The following PCDHGB1 variants were observed in gnomAD, a reference collection of about 807,000 sequenced individuals.
The protein encoded by PCDHGB1 is protocadherin gamma subfamily B, 1.
Under a neutral mutation model 56.6 loss-of-function variants are expected in PCDHGB1, and 34 were observed. The observed-to-expected ratio is 0.60, with a 90% CI of 0.46 to 0.80. PCDHGB1 has a LOEUF of 0.80. PCDHGB1 is among the 30% of genes least tolerant of loss of function. PCDHGB1 has a pLI of 0.00. For missense variants in PCDHGB1, 1,278 were observed against 1,204.6 expected, an observed-to-expected ratio of 1.06 and a Z score of -0.90; for synonymous variants, 561 against 505.9, an observed-to-expected ratio of 1.11 and a Z score of -1.46.
At position 141,351,295 on chromosome 5, in the gene PCDHGB1, C is replaced by A; in HGVS notation, c.1035C>A (p.Phe345Leu). 1.9e-6 allele frequency: 3 copies of A among 1,613,808 alleles called. No homozygotes were observed. Among genetic ancestry groups the A allele is most frequent in the South Asian group, 1.1e-5 (1 of 91,070 alleles). Residue 345 changes from phenylalanine (F) to leucine (L), a missense_variant, in exon 1 of 4, where the codon TTC becomes TTA. Coordinates refer to ENST00000523390, the MANE Select transcript of PCDHGB1 (RefSeq NM_018922.3). ...ATGACAATGCCCCAGAGGTGACATT[C>A]ATGTCCTTCTCTAACCAGATTCCAG... ...DENDNAPEVT[F>L]MSFSNQIPED...
At chr5:141,480,295 G>A (rs1190133739) in intron 1 of PCDHGB1, among the ~76,000 whole-genome samples, 2 of 133,330 alleles carry the variant, frequency 1.5e-5, no homozygotes, top group Admixed American at 7.4e-5. Context: ...TGCACCTGTG[G>A]TACCAGCTAC....
Position 141,476,191 on chromosome 5 carries a change from C to T in PCDHGB1, c.2410-18616C>T. The T allele has an allele frequency of 6.2e-7, 1 of 1,613,860 alleles. No homozygotes were observed. The highest frequency in any genetic ancestry group is 8.5e-7 in the Non-Finnish European group (1 of 1,180,006). ...TGGGAGTTTTGCTTCTGCTTGGTGC[C>T]TTGAACAAGGCTTCCACGGTCATTC... On this transcript the variant is annotated intron_variant, in intron 1 of 3. Transcript: ENST00000523390. This position sits in a 1 kb window ranked among gnomAD's most constrained non-coding sequence, Gnocchi z 7.6.
rs1421246315 is a variant in PCDHGB1 at position 141,491,880 on chromosome 5, G to A, written c.2410-2927G>A. The A allele has an allele frequency of 1.1e-5, 16 of 1,449,714 alleles. No homozygotes were observed. The highest frequency in any genetic ancestry group is 1.5e-5 in the Non-Finnish European group (16 of 1,096,892). 89.8% of individuals were successfully genotyped at this position (1,449,714 alleles called of 1,614,324 possible). A position where few individuals can be genotyped will look rare whatever the true frequency, so the allele number is the denominator to read the frequency against. ...GCGAAACCAGAGTGGCCGATTAAGGGATGGGGCTCCGAGCACCGGGGGTGG... is the reference window on the plus strand; with the variant it reads ...GCGAAACCAGAGTGGCCGATTAAGGAATGGGGCTCCGAGCACCGGGGGTGG... On this transcript the variant is annotated intron_variant, in intron 1 of 3. Coordinates refer to ENST00000523390, the MANE Select transcript of PCDHGB1 (RefSeq NM_018922.3). The surrounding 1 kb of genome is among the most constrained non-coding windows in gnomAD (Gnocchi z 6.9).
chr5:141,409,295 G>A, intron 1 of PCDHGB1: 1 of 1,613,992 alleles, frequency 6.2e-7, no homozygotes, highest in Non-Finnish European at 8.5e-7. Context: ...TCCAGGAATG[G>A]TTGTTGCCCT....
intron 1 of PCDHGB1, among the ~76,000 whole-genome samples, chr5:141,460,577 TGTG>T (rs2098992364): frequency 6.6e-6 from 1 of 152,094 alleles, no homozygotes; most frequent in African/African-American, 2.4e-5. Context: ...CATATGTAGG[TGTG>T]GGTTTTTTCT....
chr5:141,359,218 A>G (rs1208654805), intron 1 of PCDHGB1, among the ~76,000 whole-genome samples: 1 of 152,164 alleles, frequency 6.6e-6, no homozygotes, highest in Admixed American at 6.5e-5. Context: ...GACAACTTAC[A>G]TCTGAGGAGA....
chr5:141,464,093 C>T (rs1029458289), intron 1 of PCDHGB1, among the ~76,000 whole-genome samples: 1 of 151,888 alleles, frequency 6.6e-6, no homozygotes, highest in Non-Finnish European at 1.5e-5. Context: ...GGTGAAACTC[C>T]GTCTCTACTA....
chr5:141,453,288 A>ATTAT (rs577328880), intron 1 of PCDHGB1, among the ~76,000 whole-genome samples: 1,792 of 151,444 alleles, frequency 0.012, 41 homozygotes, highest in African/African-American at 0.034. Context: ...TAATTTTTTA[A>ATTAT]TTATTTATTT....
At chr5:141,409,954 C>T (rs774233531) in intron 1 of PCDHGB1, 3 of 1,613,356 alleles carry the variant, frequency 1.9e-6, no homozygotes, top group South Asian at 1.1e-5. Flanking sequence ...CTGCAGAGCC[C>T]GGCTACCTAG....
chr5:141,458,404 G>A lies in PCDHGB1; in HGVS notation c.2410-36403G>A, dbSNP rs183963289. Among the ~76,000 whole-genome samples the A allele has an allele frequency of 4.6e-5, 7 of 152,218 alleles. No homozygotes were observed. The East Asian group carries it at 5.8e-4, about 13-fold the overall frequency. ...GGAAGACGCTCCCCCTTGCAGAGAC[G>A]GAGCGGGGGTTCCAAAGCTGAAAGA... On this transcript the variant is annotated intron_variant, in intron 1 of 3. Transcript: ENST00000523390.
intron 1 of PCDHGB1, among the ~76,000 whole-genome samples, chr5:141,445,318 G>T (rs182520609): frequency 2.0e-4 from 30 of 152,306 alleles, no homozygotes; most frequent in African/African-American, 7.2e-4. Context: ...TAGGTTGAGA[G>T]AACCCATCCA....
chr5:141,392,766 C>A, intron 1 of PCDHGB1: 1 of 1,489,084 alleles, frequency 6.7e-7, no homozygotes, highest in South Asian at 1.4e-5. Flanking sequence ...AAATAAGACC[C>A]ATTTATGCAC....
chr5:141,352,783 A>C, intron 1 of PCDHGB1, 114 bp downstream of exon 1: 1 of 1,089,618 alleles, frequency 9.2e-7, no homozygotes, highest in Non-Finnish European at 1.3e-6. Context: ...TGAGGTCAGG[A>C]GTTTGAGACC....
chr5:141,392,145 C>T (rs2150471723), intron 1 of PCDHGB1: 1 of 152,264 alleles, frequency 6.6e-6, no homozygotes, highest in East Asian at 1.9e-4. Context: ...GTAGTTTAAA[C>T]CAAATAAAAC....
intron 1 of PCDHGB1, chr5:141,419,724 G>A (rs200134846): frequency 1.9e-4 from 301 of 1,613,488 alleles, no homozygotes; most frequent in South Asian, 1.2e-3. Context: ...CTGGGGCTGC[G>A]AACAGGCGAG....
At chr5:141,498,632 A>G (rs2099784830) in intron 2 of PCDHGB1, among the ~76,000 whole-genome samples, 1 of 152,118 alleles carries the variant, frequency 6.6e-6, no homozygotes, top group South Asian at 2.1e-4. Context: ...CACTGCCTAG[A>G]CAGAAGGAAG....
At chr5:141,414,753 T>G (rs10041534) in intron 1 of PCDHGB1, 22 of 1,614,088 alleles carry the variant, frequency 1.4e-5, no homozygotes, top group Non-Finnish European at 1.8e-5. Context: ...CCTTCGACTA[T>G]GAGCAGTTTC....
At chr5:141,409,227 A>G (rs2095244126) in intron 1 of PCDHGB1, 1 of 1,613,922 alleles carries the variant, frequency 6.2e-7, no homozygotes, top group African/African-American at 1.3e-5. Flanking sequence ...GATGAAAACG[A>G]CAACAGCCCA....
At chr5:141,408,600 T>C (rs761951478) in intron 1 of PCDHGB1, 7 of 1,613,998 alleles carry the variant, frequency 4.3e-6, no homozygotes, top group Non-Finnish European at 4.2e-6. Flanking sequence ...GCCCCTCAAT[T>C]TGATAAAAAG....
Sources: allele counts gnomAD v4.1 joint callset (sites outside exome capture counted in the v4.1 genomes callset), GRCh38; gene constraint gnomAD v4.1.1; non-coding constraint Gnocchi (gnomAD v3.1); transcripts MANE v1.5; gene names NCBI Gene and HGNC (gene_info 2026-07-23, HGNC 2026-07-21).